Variants in DHX36 observed in about 807,000 individuals in gnomAD.
DHX36 encodes DEAH-box helicase 36.
DHX36 carries 50 observed loss-of-function variants against 139.0 expected under a neutral mutation model. The observed-to-expected ratio is 0.36, with a 90% confidence interval of 0.29 to 0.46. The LOEUF is 0.46. Among genes scored for constraint, DHX36 ranks in the 20% least tolerant of loss-of-function variants. The pLI is 1.00. For synonymous variants in DHX36, 425 were observed against 401.9 expected (o/e 1.06, Z -0.69); for missense variants, 1,024 against 1,211.3 (o/e 0.85, Z 2.29).
intron 6 of DHX36, among the ~76,000 whole-genome samples, chr3:154,305,730 A>C (rs1056755697): frequency 6.6e-6 from 1 of 152,220 alleles, no homozygotes; most frequent in Non-Finnish European, 1.5e-5. Context: ...GCACCACTGC[A>C]CTTCAGCCAG....
chr3:154,303,208 T>C, intron 9 of DHX36, 121 bp downstream of exon 9: 1 of 709,750 alleles, frequency 1.4e-6, no homozygotes, highest in Non-Finnish European at 2.3e-6. Context: ...GTGTGGCTAA[T>C]TCCCAGAAAA....
intron 2 of DHX36, 26 bp from the exon 3 acceptor site, chr3:154,315,306 G>GAAAGGTCAGATAGCA (rs1208213237): frequency 1.3e-6 from 2 of 1,558,338 alleles, no homozygotes; most frequent in Non-Finnish European, 1.8e-6. Flanking sequence ...AAGAAAGGAA[G>GAAAGGTCAGATAGCA]AAAGGTCAGA....
chr3:154,297,762 T>C (rs1235151083), intron 12 of DHX36, among the ~76,000 whole-genome samples: 2 of 151,808 alleles, frequency 1.3e-5, no homozygotes, highest in East Asian at 1.9e-4. Flanking sequence ...TGTTTCATTA[T>C]AAAAAGTTTA....
At chr3:154,282,021 G>GT in intron 20 of DHX36, among the ~76,000 whole-genome samples, 1 of 152,164 alleles carries the variant, frequency 6.6e-6, no homozygotes, top group African/African-American at 2.4e-5. Flanking sequence ...AATGCCTGTT[G>GT]TTTTTCTTTA....
chr3:154,288,675 T>C (rs145301415), intron 17 of DHX36, among the ~76,000 whole-genome samples, 191 bp downstream of exon 17: 7 of 152,280 alleles, frequency 4.6e-5, no homozygotes, highest in African/African-American at 1.4e-4. Context: ...ATTACGAAGA[T>C]ATCACTTTAT....
rs1711916146 is a variant in DHX36 at position 154,293,694 on chromosome 3, TG to T, written c.1670+53del. 3.1e-6 allele frequency: 4 copies of T among 1,278,608 alleles called. No homozygotes were observed. The South Asian group carries it at 4.9e-5, about 16-fold the overall frequency. The allele number at this position is 1,278,608 out of a possible 1,614,324, so 79.2% of individuals were successfully genotyped here. On this transcript the variant is annotated intron_variant, in intron 14 of 24. Coordinates refer to ENST00000496811, the MANE Select transcript of DHX36 (RefSeq NM_020865.3). ...AAGATTAAGGTATATAAACACGTTA[TG>T]GTGTTTAAAACTTATGTAATCATCA...
At chr3:154,305,058 A>G (rs1184812984) in intron 7 of DHX36, 36 bp downstream of exon 7, 2 of 1,595,016 alleles carry the variant, frequency 1.3e-6, no homozygotes, top group South Asian at 1.1e-5. Context: ...ACATCTTTTG[A>G]TAACACTTAT....
At position 154,276,739 on chromosome 3, in the gene DHX36, T is replaced by C. The variant is rs760190079; in HGVS notation, c.2841+8A>G. 1.9e-6 allele frequency: 3 copies of C among 1,612,966 alleles called. No homozygotes were observed. Among genetic ancestry groups the C allele is most frequent in the Middle Eastern group, 1.6e-4 (1 of 6,072 alleles). On this transcript the variant is annotated splice_region_variant and intron_variant, in intron 24 of 24. Coordinates refer to ENST00000496811, the MANE Select transcript of DHX36 (RefSeq NM_020865.3). The stretch of plus-strand genomic sequence containing the variant: ...GTAGATTTAAGATAATCACATAAAG[T>C]CAGTCACCTTAACAAGATGGGCAAT...
At chr3:154,292,899 G>A (rs1031765879) in intron 14 of DHX36, among the ~76,000 whole-genome samples, 3 of 151,860 alleles carry the variant, frequency 2.0e-5, no homozygotes, top group African/African-American at 4.8e-5. Flanking sequence ...TAGGGATCGA[G>A]TACCTAACAG....
intron 22 of DHX36, chr3:154,280,165 T>A (rs974463011): frequency 1.3e-5 from 2 of 157,400 alleles, no homozygotes; most frequent in African/African-American, 4.8e-5. Flanking sequence ...CCTGTAAATA[T>A]ATTATTACAC....
In DHX36 at chr3:154,297,946, CA is replaced by C. The variant is rs1239360021; in HGVS notation, c.1549+1891del. 5.3e-5 allele frequency among the ~76,000 whole-genome samples: 8 copies of C among 152,102 alleles called. 1 individual carries two copies. Among genetic ancestry groups the C allele is most frequent in the Non-Finnish European group, 1.2e-4 (8 of 68,008 alleles). On this transcript the variant is annotated intron_variant, in intron 12 of 24. Coordinates refer to ENST00000496811, the MANE Select transcript of DHX36 (RefSeq NM_020865.3). The stretch of plus-strand genomic sequence containing the variant: ...GATAAGCATTTAATAAACTGAGTTT[CA>C]AAACTCAATTTCTCAGCACAGAGTT...
chr3:154,297,123 G>A (rs1309586721), intron 12 of DHX36, among the ~76,000 whole-genome samples: 1 of 152,202 alleles, frequency 6.6e-6, no homozygotes, highest in Non-Finnish European at 1.5e-5. Context: ...AAAGCAGGGA[G>A]TGGAGGGGAG....
Position 154,312,893 on chromosome 3 carries a change from AT to A in DHX36, c.604-1220del, listed in dbSNP as rs1559958800. ...TATATATATATATATATATATATAT[AT>A]ATATATAAAATAAATAAAGAACTGT... On this transcript the variant is annotated intron_variant, in intron 3 of 24. Coordinates refer to ENST00000496811, the MANE Select transcript of DHX36 (RefSeq NM_020865.3). Among the ~76,000 whole-genome samples, 83 of 109,620 alleles carry A rather than the reference AT, an allele frequency of 7.6e-4. 6 individuals are homozygous for A. The South Asian group carries it at 0.011, about 14-fold the overall frequency. The allele number at this position is 109,620 out of a possible 152,430, so 71.9% of individuals were successfully genotyped here.
chr3:154,276,848 C>CA lies in DHX36; in HGVS notation c.2739dup (p.Gly914TrpfsTer3). 1.2e-6 allele frequency: 2 copies of CA among 1,613,242 alleles called. No homozygotes were observed. Among genetic ancestry groups the CA allele is most frequent in the Non-Finnish European group, 1.7e-6 (2 of 1,179,682 alleles). ...TCCTTCTGGATGGAAATGTCACCTC[C>CA]AAAAAACAAGAGACAGTATGGGGAA... On this transcript the variant is annotated frameshift_variant, in exon 24 of 25. Transcript: ENST00000496811. LOFTEE classifies it high-confidence loss of function.
intron 17 of DHX36, among the ~76,000 whole-genome samples, chr3:154,288,569 A>C (rs1711652257): frequency 6.6e-6 from 1 of 152,160 alleles, no homozygotes; most frequent in Admixed American, 6.5e-5. Flanking sequence ...CCAGTAATTA[A>C]AGACCAGTAA....
At chr3:154,318,280 T>C (rs746356701) in intron 1 of DHX36, among the ~76,000 whole-genome samples, 2 of 152,142 alleles carry the variant, frequency 1.3e-5, no homozygotes, top group Non-Finnish European at 2.9e-5. Context: ...CTAATTTCAG[T>C]TGTCAGGACA....
At chr3:154,307,859 C>T (rs527256721) in intron 5 of DHX36, among the ~76,000 whole-genome samples, 2 of 151,128 alleles carry the variant, frequency 1.3e-5, no homozygotes, top group East Asian at 1.9e-4. Context: ...AGTAAAGATA[C>T]GGAATCAATC....
chr3:154,316,801 T>C (rs1286113056), intron 1 of DHX36, among the ~76,000 whole-genome samples: 2 of 146,420 alleles, frequency 1.4e-5, no homozygotes, highest in African/African-American at 2.5e-5. Context: ...ATGTCCAAGG[T>C]GAAAAAAAAA....
chr3:154,323,946 G>C (rs957002649), intron 1 of DHX36, among the ~76,000 whole-genome samples: 7 of 152,196 alleles, frequency 4.6e-5, no homozygotes, highest in African/African-American at 1.7e-4. Context: ...TTTAAGCAAA[G>C]TATATATTCA....
Sources: allele counts gnomAD v4.1 joint callset (sites outside exome capture counted in the v4.1 genomes callset), GRCh38; gene constraint gnomAD v4.1.1; transcripts MANE v1.5; gene names NCBI Gene and HGNC (gene_info 2026-07-23, HGNC 2026-07-21).